LRRC7: variants seen among roughly 807,000 people sequenced by gnomAD.
LRRC7 encodes the protein leucine-rich repeat-containing protein 7.
LRRC7 carries 23 observed loss-of-function variants against 175.7 expected under a neutral mutation model. The observed-to-expected ratio is 0.13, with a 90% CI of 0.09 to 0.19. The LOEUF is 0.19. Among genes scored for constraint, LRRC7 ranks in the 10% least tolerant of loss-of-function variants. The pLI is 1.00. For missense variants in LRRC7, 1,354 were observed against 1,904.7 expected, an observed-to-expected ratio of 0.71 and a Z score of 5.38; for synonymous variants, 685 against 680.9, an observed-to-expected ratio of 1.01 and a Z score of -0.09.
Position 70,135,587 on chromosome 1 carries a change from G to A in LRRC7, c.*13700G>A, listed in dbSNP as rs1277616257. Among the ~76,000 whole-genome samples, 10 of 152,132 alleles carry A rather than the reference G, an allele frequency of 6.6e-5. No individual in the cohort carries two copies. Among genetic ancestry groups the A allele is most frequent in the Non-Finnish European group, 1.5e-4 (10 of 68,014 alleles). On this transcript the variant is annotated 3_prime_UTR_variant, in exon 27 of 27. Coordinates refer to ENST00000651989, the MANE Select transcript of LRRC7 (RefSeq NM_001370785.2). ...AACCCCGACTCCAAGGGTGCTGCTT[G>A]TCCAACTGTGTCACCTCCCTGACAA...
chr1:70,045,500 C>T (rs1011364300), intron 22 of LRRC7, among the ~76,000 whole-genome samples: 7 of 152,232 alleles, frequency 4.6e-5, no homozygotes, highest in South Asian at 4.1e-4. Flanking sequence ...CATGTCCTCT[C>T]GGATGCCCAA....
chr1:70,070,778 A>C (rs1662322381), intron 23 of LRRC7, among the ~76,000 whole-genome samples: 1 of 152,070 alleles, frequency 6.6e-6, no homozygotes, highest in Non-Finnish European at 1.5e-5. Flanking sequence ...TTACCACTGG[A>C]TGATGGGGAA....
chr1:70,056,629 G>C (rs779804451), intron 23 of LRRC7, among the ~76,000 whole-genome samples: 22 of 152,092 alleles, frequency 1.4e-4, no homozygotes, highest in Non-Finnish European at 3.1e-4. Flanking sequence ...TTCTATTGTA[G>C]CTCTCTCTTA....
chr1:70,011,100 C>A (rs1401870319), intron 11 of LRRC7, among the ~76,000 whole-genome samples: 1 of 152,116 alleles, frequency 6.6e-6, no homozygotes, highest in East Asian at 1.9e-4. Context: ...TCTAAAATAC[C>A]ACTATATAAA....
intron 1 of LRRC7, among the ~76,000 whole-genome samples, chr1:69,649,380 A>G (rs958587503): frequency 2.0e-5 from 3 of 152,156 alleles, no homozygotes; most frequent in East Asian, 1.9e-4. Flanking sequence ...TGAGGATGAT[A>G]TATGTGCTTT....
chr1:69,598,519 T>C (rs1557459372), intron 1 of LRRC7, among the ~76,000 whole-genome samples: 1 of 152,134 alleles, frequency 6.6e-6, no homozygotes, highest in Non-Finnish European at 1.5e-5. Flanking sequence ...CTGGCAGAAT[T>C]CCTTCTTGCT....
In LRRC7 at chr1:69,821,730, C is replaced by A. The variant is rs181777553; in HGVS notation, c.422-4018C>A. ...CCAACCTGATGAAACCCCATCTCTA[C>A]TAAAAATACAAAAAATTAGCCTGGT... On this transcript the variant is annotated intron_variant, in intron 4 of 26. Coordinates refer to ENST00000651989, the MANE Select transcript of LRRC7 (RefSeq NM_001370785.2). 3.9e-3 allele frequency among the ~76,000 whole-genome samples: 599 copies of A among 152,016 alleles called. 3 individuals are homozygous for A. The highest frequency in any genetic ancestry group is 3.9e-3 in the Non-Finnish European group (262 of 67,968).
intron 8 of LRRC7, among the ~76,000 whole-genome samples, chr1:69,956,567 T>C (rs1359868202): frequency 6.6e-6 from 1 of 151,780 alleles, no homozygotes; most frequent in African/African-American, 2.4e-5. Flanking sequence ...TAATTGTCCC[T>C]TACCAGTTTA....
chr1:69,888,148 A>C (rs973493310), intron 7 of LRRC7, among the ~76,000 whole-genome samples: 1 of 144,300 alleles, frequency 6.9e-6, no homozygotes, highest in African/African-American at 2.6e-5. Context: ...GGCTCCACCC[A>C]GTTTGAGCTT....
At chr1:70,120,277 A>G (rs1200242131) in intron 26 of LRRC7, among the ~76,000 whole-genome samples, 7 of 152,090 alleles carry the variant, frequency 4.6e-5, no homozygotes. Context: ...GGGCATTTTC[A>G]TTTATTAAAT....
intron 7 of LRRC7, chr1:69,920,434 G>A (rs1646856635): frequency 6.6e-6 from 1 of 151,894 alleles, no homozygotes; most frequent in Admixed American, 6.6e-5. Flanking sequence ...TTAGGAGTCT[G>A]GAAACACTAT....
At chr1:69,665,001 G>A (rs6424591) in intron 1 of LRRC7, among the ~76,000 whole-genome samples, 17,933 of 152,046 alleles carry the variant, frequency 0.12, 1,394 homozygotes, top group Middle Eastern at 0.2. Flanking sequence ...GATAGGTGTC[G>A]AATTTCATTT....
At chr1:69,781,606 T>C (rs1673499722) in intron 3 of LRRC7, among the ~76,000 whole-genome samples, 2 of 148,550 alleles carry the variant, frequency 1.3e-5, no homozygotes, top group African/African-American at 5.0e-5. Context: ...CGCTTGAACC[T>C]GGGAGGTGGA....
chr1:69,811,304 G>A (rs1221721385), intron 4 of LRRC7, among the ~76,000 whole-genome samples: 1 of 152,064 alleles, frequency 6.6e-6, no homozygotes, highest in Non-Finnish European at 1.5e-5. Flanking sequence ...AAATAGAAAT[G>A]CTCTTACACT....
chr1:70,040,656 CA>C (rs896741175), intron 21 of LRRC7, among the ~76,000 whole-genome samples: 3 of 151,482 alleles, frequency 2.0e-5, no homozygotes, highest in Admixed American at 6.6e-5. Context: ...ACTTAAAATA[CA>C]AAAAAAATTG....
intron 4 of LRRC7, among the ~76,000 whole-genome samples, chr1:69,811,293 G>A (rs1677826633): frequency 6.6e-6 from 1 of 152,158 alleles, no homozygotes; most frequent in African/African-American, 2.4e-5. Context: ...AAGATGTGGA[G>A]AAATAGAAAT....
intron 9 of LRRC7, among the ~76,000 whole-genome samples, chr1:69,981,490 T>C (rs1653425262): frequency 6.6e-6 from 1 of 152,238 alleles, no homozygotes; most frequent in Non-Finnish European, 1.5e-5. Context: ...TATGCACATC[T>C]ATTGTTCACT....
At chr1:69,663,119 G>A (rs1259109237) in intron 1 of LRRC7, among the ~76,000 whole-genome samples, 1 of 151,792 alleles carries the variant, frequency 6.6e-6, no homozygotes, top group Non-Finnish European at 1.5e-5. Context: ...TTTTCCATAA[G>A]AATGGTTAGT....
chr1:69,801,679 T>C (rs1023321985), intron 4 of LRRC7, among the ~76,000 whole-genome samples: 1 of 151,688 alleles, frequency 6.6e-6, no homozygotes, highest in Admixed American at 6.6e-5. Flanking sequence ...TTAATTTCAT[T>C]GATTGTATTG....
Sources: gnomAD v4.1 joint callset for allele counts (sites outside exome capture counted in the v4.1 genomes callset) on GRCh38, gnomAD v4.1.1 for gene constraint, MANE v1.5 for transcripts, NCBI Gene and HGNC (gene_info 2026-07-23, HGNC 2026-07-21) for gene names.